The following SAMSN1 variants were observed in gnomAD, a reference collection of about 807,000 sequenced individuals.
The protein encoded by SAMSN1 is SAM domain, SH3 domain and nuclear localization signals 1.
A neutral mutation model predicts 42.0 loss-of-function variants in SAMSN1; 31 were observed. That is an observed-to-expected ratio of 0.74 (90% CI 0.55 to 1.00). SAMSN1 has a LOEUF of 1.00. Among genes scored for constraint, SAMSN1 ranks in the 50% least tolerant of loss-of-function variants. SAMSN1 has a pLI of 0.00. For synonymous variants in SAMSN1, 178 were observed against 151.9 expected, an observed-to-expected ratio of 1.17 and a Z score of -1.26; for missense variants, 464 against 439.4, an observed-to-expected ratio of 1.06 and a Z score of -0.50.
At chr21:14,509,105 A>G (rs1212385921) in intron 5 of SAMSN1, among the ~76,000 whole-genome samples, 1 of 151,688 alleles carries the variant, frequency 6.6e-6, no homozygotes, top group Non-Finnish European at 1.5e-5. Flanking sequence ...ACAGAGCAAG[A>G]CTCCATCAAA....
At chr21:14,642,966 GA>G (rs200919371) in intron 2 of SAMSN1, 24 of 688,242 alleles carry the variant, frequency 3.5e-5, no homozygotes, top group Middle Eastern at 2.4e-4. Flanking sequence ...CTATAATAGA[GA>G]AAAAAAAATC....
chr21:14,644,477 T>A (rs1246687996), intron 1 of SAMSN1, among the ~76,000 whole-genome samples: 2 of 152,238 alleles, frequency 1.3e-5, no homozygotes, highest in East Asian at 3.9e-4. Flanking sequence ...ATTCATTACC[T>A]GCTAACCGAA....
At chr21:14,631,593 C>G (rs1368715156) in intron 2 of SAMSN1, among the ~76,000 whole-genome samples, 1 of 152,156 alleles carries the variant, frequency 6.6e-6, no homozygotes, top group Non-Finnish European at 1.5e-5. Context: ...TCTCAAACTC[C>G]TGACTTCGTG....
intron 7 of SAMSN1, chr21:14,495,564 A>G (rs1407032996): frequency 6.6e-6 from 1 of 151,938 alleles, no homozygotes; most frequent in Admixed American, 6.6e-5. Context: ...TCCATTTTTC[A>G]TCTCCCAGAA....
In SAMSN1 at chr21:14,621,318, A is replaced by T. The variant is rs1414108288; in HGVS notation, c.157-5302T>A. Among the ~76,000 whole-genome samples, 3 of 152,294 alleles carry T rather than the reference A, an allele frequency of 2.0e-5. No homozygotes were observed. In the East Asian group the frequency reaches 5.8e-4, roughly 29 times the overall value. On this transcript the variant is annotated intron_variant, in intron 2 of 15. Coordinates refer to the SAMSN1 transcript ENST00000647101. ...GCTTGTCAGACAGTGGGTGCAGCCC[A>T]CTGAGTGTGAGCCGAAGCAGGACAA... is the stretch of plus-strand genomic sequence containing the variant.
intron 2 of SAMSN1, among the ~76,000 whole-genome samples, chr21:14,627,236 C>T (rs1304245137): frequency 6.6e-6 from 1 of 151,132 alleles, no homozygotes; most frequent in South Asian, 2.1e-4. Flanking sequence ...TGTAACAAAC[C>T]TGCACGTTGT....
chr21:14,540,609 C>A (rs1194778824), intron 1 of SAMSN1, among the ~76,000 whole-genome samples: 2 of 152,040 alleles, frequency 1.3e-5, no homozygotes, highest in African/African-American at 4.8e-5. Context: ...GTTAGAATGG[C>A]GATCATTAAA....
In SAMSN1 at chr21:14,575,080, A is replaced by G. The variant is rs540843856; in HGVS notation, c.261+7056T>C. 7.9e-5 allele frequency among the ~76,000 whole-genome samples: 12 copies of G among 152,302 alleles called. No individual in the cohort carries two copies. In the South Asian group the frequency reaches 2.5e-3, roughly 32 times the overall value. ...CCACCCCTTCTCCTAACACACATGCATACTTCTAAGCTCTCAAGTTCATAG... is the reference window on the plus strand; with the variant it reads ...CCACCCCTTCTCCTAACACACATGCGTACTTCTAAGCTCTCAAGTTCATAG... On this transcript the variant is annotated intron_variant, in intron 2 of 8. Coordinates refer to the SAMSN1 transcript ENST00000285670.
intron 5 of SAMSN1, among the ~76,000 whole-genome samples, chr21:14,605,583 A>G (rs906377620): frequency 2.0e-5 from 3 of 152,194 alleles, no homozygotes; most frequent in Non-Finnish European, 4.4e-5. Context: ...CAGACCAACA[A>G]AGAAAAATAA....
chr21:14,636,929 T>A (rs951631652), intron 2 of SAMSN1, among the ~76,000 whole-genome samples: 2 of 152,216 alleles, frequency 1.3e-5, no homozygotes, highest in African/African-American at 4.8e-5. Context: ...TTAACATCTG[T>A]GCTCTTTCAA....
At chr21:14,611,021 G>C (rs1414447209) in intron 4 of SAMSN1, among the ~76,000 whole-genome samples, 1 of 152,080 alleles carries the variant, frequency 6.6e-6, no homozygotes, top group Non-Finnish European at 1.5e-5. Context: ...AAATTCCTGG[G>C]CCATAGCTAT....
intron 1 of SAMSN1, among the ~76,000 whole-genome samples, chr21:14,528,441 G>A (rs952250833): frequency 2.0e-5 from 3 of 152,096 alleles, no homozygotes; most frequent in Non-Finnish European, 4.4e-5. Context: ...GGCACCCTCT[G>A]CCTGCCTCTG....
At chr21:14,504,275 A>T (rs1473421931) in intron 5 of SAMSN1, among the ~76,000 whole-genome samples, 2 of 152,228 alleles carry the variant, frequency 1.3e-5, no homozygotes, top group Non-Finnish European at 2.9e-5. Flanking sequence ...TTACCTTAAA[A>T]AGAATTCAGG....
At chr21:14,539,851 G>C (rs1600913022) in intron 1 of SAMSN1, among the ~76,000 whole-genome samples, 1 of 152,084 alleles carries the variant, frequency 6.6e-6, no homozygotes, top group Admixed American at 6.6e-5. Context: ...TCCTAAGCCA[G>C]AAGAACAAAG....
intron 2 of SAMSN1, among the ~76,000 whole-genome samples, chr21:14,559,321 T>C (rs865969390): frequency 6.6e-6 from 1 of 152,282 alleles, no homozygotes; most frequent in Middle Eastern, 3.4e-3. Flanking sequence ...GTGAGCAGAA[T>C]CCACTCAGTA....
intron 2 of SAMSN1, among the ~76,000 whole-genome samples, chr21:14,574,482 T>C (rs1432183270): frequency 6.6e-6 from 1 of 152,174 alleles, no homozygotes; most frequent in African/African-American, 2.4e-5. Flanking sequence ...GGGTAATTCA[T>C]GAAGAAGAGG....
chr21:14,526,271 G>C (rs79460499), intron 1 of SAMSN1, among the ~76,000 whole-genome samples: 15 of 152,240 alleles, frequency 9.9e-5, no homozygotes, highest in African/African-American at 3.1e-4. Flanking sequence ...ATAAACTTGC[G>C]TTTCCTAAAT....
intron 7 of SAMSN1, among the ~76,000 whole-genome samples, chr21:14,494,311 T>C (rs767396714): frequency 3.3e-5 from 5 of 152,108 alleles, no homozygotes; most frequent in Non-Finnish European, 7.4e-5. Context: ...CAACCAACCC[T>C]AATGCCCATC....
intron 5 of SAMSN1, among the ~76,000 whole-genome samples, chr21:14,503,755 A>G (rs1357832277): frequency 6.6e-6 from 1 of 152,146 alleles, no homozygotes; most frequent in Admixed American, 6.5e-5. Context: ...GAGTGTGTGG[A>G]TGCTCACATG....
Sources: gnomAD v4.1 joint callset for allele counts (sites outside exome capture counted in the v4.1 genomes callset) on GRCh38, gnomAD v4.1.1 for gene constraint, MANE v1.5 for transcripts, NCBI Gene and HGNC (gene_info 2026-07-23, HGNC 2026-07-21) for gene names.